Variants in FBN2 observed in about 807,000 individuals in gnomAD.
The protein encoded by FBN2 is fibrillin-2.
In FBN2, 105 loss-of-function variants were observed where a neutral mutation model predicts 355.6. That is an observed-to-expected ratio of 0.30 (90% CI 0.25 to 0.35). The LOEUF is 0.35. Ranked by LOEUF, FBN2 falls within the 10% of genes least tolerant of loss-of-function variation. The probability of loss-of-function intolerance (pLI) is 1.00; values close to 1 mark genes in which losing one functional copy is unlikely to be tolerated. For synonymous variants in FBN2, 1,350 were observed against 1,301.2 expected, an observed-to-expected ratio of 1.04 and a Z score of -0.81; for missense variants, 3,280 against 3,758.7, an observed-to-expected ratio of 0.87 and a Z score of 3.33.
intron 5 of FBN2, among the ~76,000 whole-genome samples, chr5:128,471,271 T>C (rs1006136589): frequency 6.6e-6 from 1 of 152,038 alleles, no homozygotes. Context: ...ATTTCAATGA[T>C]GAGGTTATAA....
intron 56 of FBN2, among the ~76,000 whole-genome samples, chr5:128,279,420 T>C (rs1316131331): frequency 6.6e-6 from 1 of 152,164 alleles, no homozygotes; most frequent in Non-Finnish European, 1.5e-5. Flanking sequence ...AATTACACTT[T>C]ATATGTAGGT....
At chr5:128,425,010 C>T (rs151138702) in intron 7 of FBN2, among the ~76,000 whole-genome samples, 1 of 139,850 alleles carries the variant, frequency 7.2e-6, no homozygotes, top group Admixed American at 7.0e-5. Context: ...CTCTCTTTTC[C>T]TTTTCCTTTT....
Position 128,278,022 on chromosome 5 carries a change from C to A in FBN2, c.7346-17G>T, listed in dbSNP as rs375739609. Reference sequence around the variant, plus strand: ...CATCAATATCTGTGGACCAAAACAACAAAAACAATCAGGAGTTAACATATA... The same window carrying A: ...CATCAATATCTGTGGACCAAAACAAAAAAAACAATCAGGAGTTAACATATA... On this transcript the variant is annotated splice_polypyrimidine_tract_variant and intron_variant, in intron 57 of 64. Transcript: ENST00000262464. 3 of 1,613,622 alleles carry A rather than the reference C, an allele frequency of 1.9e-6. No homozygotes were observed. Among genetic ancestry groups the A allele is most frequent in the Non-Finnish European group, 1.7e-6 (2 of 1,179,676 alleles).
intron 7 of FBN2, among the ~76,000 whole-genome samples, chr5:128,420,668 T>G (rs1434084831): frequency 6.6e-6 from 1 of 152,182 alleles, no homozygotes; most frequent in Non-Finnish European, 1.5e-5. Context: ...AAATAAATAT[T>G]TTGTTTGAAA....
chr5:128,288,998 G>A, intron 52 of FBN2, 129 bp downstream of exon 52: 3 of 894,620 alleles, frequency 3.4e-6, no homozygotes, highest in Non-Finnish European at 5.4e-6. Context: ...GGTGAAGAAG[G>A]TGCCACTACT....
At chr5:128,532,868 C>T (rs924127920) in intron 2 of FBN2, among the ~76,000 whole-genome samples, 7 of 152,084 alleles carry the variant, frequency 4.6e-5, no homozygotes, top group Admixed American at 2.6e-4. Flanking sequence ...CAGACCCCAA[C>T]GCTACGAAAA....
At chr5:128,368,442 A>G (rs1309267981) in intron 16 of FBN2, among the ~76,000 whole-genome samples, 1 of 132,592 alleles carries the variant, frequency 7.5e-6, no homozygotes. Context: ...ATACACATAT[A>G]TACATATATA....
chr5:128,537,727 G>A lies in FBN2; in HGVS notation c.-124C>T. On this transcript the variant is annotated 5_prime_UTR_variant, in exon 1 of 65. Coordinates refer to ENST00000262464, the MANE Select transcript of FBN2 (RefSeq NM_001999.4). ...TTCGTCGGCTCCGGGGACTCCCTCG[G>A]GCTCGGGCTCCCTGCTCTAGCTGGA... The A allele has an allele frequency of 1.0e-6, 1 of 953,966 alleles. No homozygotes were observed. The highest frequency in any genetic ancestry group is 2.1e-5 in the Admixed American group (1 of 48,272). The allele number at this position is 953,966 out of a possible 1,614,324, so 59.1% of individuals were successfully genotyped here. A position where few individuals can be genotyped will look rare whatever the true frequency, so the allele number is the denominator to read the frequency against.
At chr5:128,500,533 C>T (rs537039738) in intron 5 of FBN2, among the ~76,000 whole-genome samples, 1 of 149,590 alleles carries the variant, frequency 6.7e-6, no homozygotes, top group Non-Finnish European at 1.5e-5. Context: ...AGCTCCGCCT[C>T]CCGGGTTCAC....
chr5:128,355,096 AAAG>A (rs1366359783), intron 20 of FBN2, among the ~76,000 whole-genome samples: 5 of 152,222 alleles, frequency 3.3e-5, no homozygotes, highest in Admixed American at 6.5e-5. Context: ...CATAAAAGTG[AAAG>A]AAGAAGAAGA....
At chr5:128,521,160 T>C (rs926623078) in intron 4 of FBN2, among the ~76,000 whole-genome samples, 8 of 152,034 alleles carry the variant, frequency 5.3e-5, no homozygotes, top group African/African-American at 1.9e-4. Context: ...ATGTGGCACA[T>C]ACACACCATG....
In FBN2 at chr5:128,291,648, T is replaced by C. The variant is rs1328822406; in HGVS notation, c.6173A>G (p.Asn2058Ser). The change falls in exon 49 of 65, where the codon AAT becomes AGT. Residue 2058 changes from asparagine to serine, a missense_variant. Transcript: ENST00000262464. Reference sequence around the variant, plus strand: ...AATGTTGGGATCTTCATCACATTCATTTATATCTGCAGAACAGGGGGAGTA... The same window carrying C: ...AATGTTGGGATCTTCATCACATTCACTTATATCTGCAGAACAGGGGGAGTA... ...EVKSENCIDI[N>S]ECDEDPNICL... The C allele has an allele frequency of 2.0e-5, 33 of 1,613,448 alleles. No individual in the cohort carries two copies. In the East Asian group the frequency reaches 7.1e-4, roughly 35 times the overall value.
chr5:128,502,379 C>T (rs1205970737), intron 5 of FBN2, among the ~76,000 whole-genome samples: 1 of 152,012 alleles, frequency 6.6e-6, no homozygotes, highest in Admixed American at 6.6e-5. Flanking sequence ...AGGCTAGAGT[C>T]AGACTTCTCC....
intron 8 of FBN2, among the ~76,000 whole-genome samples, chr5:128,400,552 T>C (rs1404032793): frequency 6.6e-6 from 1 of 152,270 alleles, no homozygotes; most frequent in East Asian, 1.9e-4. Flanking sequence ...CACCCATCAA[T>C]TGGAGAACAC....
intron 7 of FBN2, among the ~76,000 whole-genome samples, chr5:128,435,003 T>C (rs1376493537): frequency 2.0e-5 from 3 of 152,162 alleles, no homozygotes; most frequent in African/African-American, 7.2e-5. Flanking sequence ...TGAATTACTT[T>C]ACCATGCTTT....
chr5:128,481,502 G>T (rs1342177257), intron 5 of FBN2, among the ~76,000 whole-genome samples: 2 of 152,160 alleles, frequency 1.3e-5, no homozygotes, highest in Non-Finnish European at 2.9e-5. Context: ...GAACTTATGG[G>T]AGAGGCTCTG....
At chr5:128,329,604 C>T (rs1397851633) in intron 33 of FBN2, among the ~76,000 whole-genome samples, 3 of 152,166 alleles carry the variant, frequency 2.0e-5, no homozygotes, top group Admixed American at 2.0e-4. Flanking sequence ...ATGTGTCTGA[C>T]ATGAAAGCCA....
intron 48 of FBN2, among the ~76,000 whole-genome samples, chr5:128,292,171 C>T (rs1431563090): frequency 6.6e-6 from 1 of 152,124 alleles, no homozygotes. Flanking sequence ...TGAATGTCTT[C>T]TTCTTGTCAC....
At chr5:128,482,989 T>C (rs968282964) in intron 5 of FBN2, among the ~76,000 whole-genome samples, 3 of 152,138 alleles carry the variant, frequency 2.0e-5, no homozygotes, top group African/African-American at 4.8e-5. Context: ...ATGGTACATA[T>C]ACATCATGAA....
Sources: gnomAD v4.1 joint callset for allele counts (sites outside exome capture counted in the v4.1 genomes callset) on GRCh38, gnomAD v4.1.1 for gene constraint, MANE v1.5 for transcripts, NCBI Gene and HGNC (gene_info 2026-07-23, HGNC 2026-07-21) for gene names.